The following ST6GALNAC2 variants were observed in gnomAD, a reference collection of about 807,000 sequenced individuals.
The protein encoded by ST6GALNAC2 is ST6 N-acetylgalactosaminide alpha-2,6-sialyltransferase 2, also known as alpha-N-acetylgalactosaminide alpha-2,6-sialyltransferase 2.
Under a neutral mutation model 38.7 loss-of-function variants are expected in ST6GALNAC2, and 42 were observed. That is an observed-to-expected ratio of 1.09 (90% CI 0.85 to 1.40). The LOEUF (loss-of-function observed/expected upper bound fraction) is 1.40. Among genes scored for constraint, ST6GALNAC2 ranks in the 40% most tolerant of loss-of-function variants. ST6GALNAC2 has a pLI of 0.00. For missense variants in ST6GALNAC2, 506 were observed against 481.7 expected (o/e 1.05, Z -0.47); for synonymous variants, 233 against 209.0 (o/e 1.11, Z -0.99).
At position 76,578,793 on chromosome 17, in the gene ST6GALNAC2, A is replaced by T; in HGVS notation, c.149T>A (p.Phe50Tyr). ...GARDTTSFEA[F>Y]FQSKASNSWT... ...AGAATTCGATGCCTTGGATTGAAAG[A>T]ATGCTTCAAATGATGTGGTGTCCCT... is the stretch of plus-strand genomic sequence containing the variant. Residue 50 changes from phenylalanine (F) to tyrosine (Y), a missense_variant, in exon 2 of 9, where the codon TTC (phenylalanine) becomes TAC (tyrosine). Physicochemically the swap from Phe to Tyr is conservative, Grantham distance 22 (BLOSUM62 3). Coordinates refer to ENST00000225276, the MANE Select transcript of ST6GALNAC2 (RefSeq NM_006456.3). The T allele has an allele frequency of 2.5e-6, 4 of 1,613,718 alleles. No individual in the cohort carries two copies. The highest frequency in any genetic ancestry group is 3.4e-6 in the Non-Finnish European group (4 of 1,179,858).
chr17:76,570,593 C>T lies in ST6GALNAC2; in HGVS notation c.745G>A (p.Val249Ile). ...TCCCCTTTATCTAGGCCCTCAGGGACAGGCACGCCCAGAATGGCCGATCTC... is the reference window on the plus strand; with the variant it reads ...TCCCCTTTATCTAGGCCCTCAGGGATAGGCACGCCCAGAATGGCCGATCTC... ...MLRSAILGVP[V>I]PEGLDKGDRP... is the part of the protein sequence containing the mutation. The change falls in exon 6 of 9, where the codon GTC (valine) becomes ATC (isoleucine). Residue 249 changes from valine to isoleucine, a missense_variant. Val to Ile is a conservative substitution (Grantham distance 29, BLOSUM62 3). Coordinates refer to ENST00000225276, the MANE Select transcript of ST6GALNAC2 (RefSeq NM_006456.3). 1 of 1,612,972 alleles carries T rather than the reference C, an allele frequency of 6.2e-7. No homozygotes were observed.
intron 5 of ST6GALNAC2, among the ~76,000 whole-genome samples, chr17:76,572,299 C>A (rs2143298495): frequency 6.6e-6 from 1 of 152,294 alleles, no homozygotes; most frequent in African/African-American, 2.4e-5. Context: ...GACCCTACCG[C>A]TGACTCACTG....
intron 5 of ST6GALNAC2, 55 bp downstream of exon 5, chr17:76,572,582 C>T (rs2075364150): frequency 1.9e-6 from 3 of 1,606,938 alleles, no homozygotes; most frequent in East Asian, 4.5e-5. Flanking sequence ...TGAGGGGACT[C>T]CAGGAACAAT....
intron 7 of ST6GALNAC2, 28 bp downstream of exon 7, chr17:76,568,685 G>A (rs1598243783): frequency 3.1e-6 from 5 of 1,610,178 alleles, no homozygotes; most frequent in African/African-American, 2.7e-5. Context: ...GGAAGGGGAC[G>A]CTGTTCTTCA....
Position 76,579,713 on chromosome 17 carries a change from G to A in ST6GALNAC2, c.126-897C>T, listed in dbSNP as rs2075454951. On this transcript the variant is annotated intron_variant, in intron 1 of 8. Coordinates refer to ENST00000225276, the MANE Select transcript of ST6GALNAC2 (RefSeq NM_006456.3). ...GCAAGAGTGGGTTAGTTATTGTGGA[G>A]TGGGTTCCTGATACAAGGATGAATC... Among the ~76,000 whole-genome samples, 3 of 152,222 alleles carry A rather than the reference G, an allele frequency of 2.0e-5. No homozygotes were observed. The South Asian group carries it at 6.2e-4, about 31-fold the overall frequency.
rs1294648540 is a variant in ST6GALNAC2, at chr17:76,573,176, C to G, written c.530+19G>C. The G allele has an allele frequency of 6.2e-7, 1 of 1,600,776 alleles. No homozygotes were observed. ...GGCAACTCTCCCTCCCGCCCCTCCCCAGCTCCTACCCCTCATACCTGAATA... is the reference window on the plus strand; with the variant it reads ...GGCAACTCTCCCTCCCGCCCCTCCCGAGCTCCTACCCCTCATACCTGAATA... On this transcript the variant is annotated intron_variant, in intron 4 of 8. Transcript: ENST00000225276. The surrounding 1 kb of genome is among the most constrained non-coding windows in gnomAD (Gnocchi z 5.1).
chr17:76,568,606 T>TTATC, intron 7 of ST6GALNAC2, 107 bp downstream of exon 7: 1 of 1,045,784 alleles, frequency 9.6e-7, no homozygotes, highest in South Asian at 1.3e-5. Flanking sequence ...GGAGCTCTGG[T>TTATC]TATCGGTCAG....
chr17:76,568,628 C>T (rs929079967), intron 7 of ST6GALNAC2, 85 bp downstream of exon 7: 23 of 1,332,948 alleles, frequency 1.7e-5, no homozygotes, highest in Middle Eastern at 1.9e-4. Context: ...GCGTGGGGCT[C>T]GTGCGAGGGC....
rs1047470215 is a variant in ST6GALNAC2, at chr17:76,573,470, A to T, written c.362-107T>A. 20 of 1,115,052 alleles carry T rather than the reference A, an allele frequency of 1.8e-5. No homozygotes were observed. Among genetic ancestry groups the T allele is most frequent in the Non-Finnish European group, 2.4e-5 (20 of 826,474 alleles). 69.1% of individuals were successfully genotyped at this position (1,115,052 alleles called of 1,614,324 possible). On this transcript the variant is annotated intron_variant, in intron 3 of 8. Transcript: ENST00000225276. This position sits in a 1 kb window ranked among gnomAD's most constrained non-coding sequence, Gnocchi z 5.1. ...CCCATCTCCCCTGAGGCCTGACCCT[A>T]GCCCCTCCCAAGAAGCACAGAGGGT...
At chr17:76,567,670 G>T (rs2143287801) in intron 7 of ST6GALNAC2, 118 bp from the exon 8 acceptor site, 1 of 644,570 alleles carries the variant, frequency 1.6e-6, no homozygotes, top group Non-Finnish European at 2.8e-6. Context: ...ACTCCAGTCA[G>T]TTCTTTATTC....
rs760572798 is a variant in ST6GALNAC2 at position 76,578,762 on chromosome 17, T to C, written c.180A>G (p.Thr60=). The C allele has an allele frequency of 6.8e-6, 11 of 1,613,438 alleles. No individual in the cohort carries two copies. Among genetic ancestry groups the C allele is most frequent in the Admixed American group, 6.7e-5 (4 of 59,886 alleles). The stretch of plus-strand genomic sequence containing the variant: ...GGGTAGTCGACCACTCTACCTTTCC[T>C]GTCCAAGAATTCGATGCCTTGGATT... ...FFQSKASNSW[T]GKGQACRHLL... is the part of the protein sequence containing the mutation. The change falls in exon 2 of 9, where the codon ACA becomes ACG. Residue 60 remains threonine (T), a synonymous_variant. Coordinates refer to ENST00000225276, the MANE Select transcript of ST6GALNAC2 (RefSeq NM_006456.3).
In ST6GALNAC2 at chr17:76,572,776, C is replaced by T; in HGVS notation, c.531-1G>A. 1.9e-6 allele frequency: 3 copies of T among 1,614,092 alleles called. No individual in the cohort carries two copies. Among genetic ancestry groups the T allele is most frequent in the Non-Finnish European group, 2.5e-6 (3 of 1,180,006 alleles). On this transcript the variant is annotated splice_acceptor_variant, in intron 4 of 8. Transcript: ENST00000225276. LOFTEE classifies it high-confidence loss of function. ...GCCTTTGATCACAGCTCCATTGAGT[C>T]TGGTTGGCACAGAGGCCCATCAGTG...
Position 76,574,458 on chromosome 17 carries a change from C to T in ST6GALNAC2, c.268G>A (p.Val90Met). ...FRGLFNLSIP[V>M]LLWGDLFTPA... ...GTGAAGAGGTCCCCCCACAGCAGCACTGGAATGGAGAGATTGAACAGGCCA... is the reference window on the plus strand; with the variant it reads ...GTGAAGAGGTCCCCCCACAGCAGCATTGGAATGGAGAGATTGAACAGGCCA... Residue 90 changes from valine (V) to methionine (M), a missense_variant, in exon 3 of 9, where the codon GTG (valine) becomes ATG (methionine). By Grantham distance (21) the Val-to-Met change is conservative. Transcript: ENST00000225276. The T allele has an allele frequency of 6.2e-7, 1 of 1,613,892 alleles. No individual in the cohort carries two copies. The highest frequency in any genetic ancestry group is 1.7e-5 in the Admixed American group (1 of 60,010).
At chr17:76,574,278 A>T in intron 3 of ST6GALNAC2, 87 bp downstream of exon 3, 2 of 1,477,580 alleles carry the variant, frequency 1.4e-6, no homozygotes, top group East Asian at 4.6e-5. Flanking sequence ...CACCAGTGCT[A>T]TGAGGGCAGA....
intron 5 of ST6GALNAC2, among the ~76,000 whole-genome samples, chr17:76,571,953 C>T (rs1567928931): frequency 6.6e-6 from 1 of 152,172 alleles, no homozygotes; most frequent in Non-Finnish European, 1.5e-5. Flanking sequence ...CCTCAATTTC[C>T]CACACAGGGC....
intron 7 of ST6GALNAC2, chr17:76,567,969 G>C (rs576374545): frequency 1.1e-5 from 2 of 189,238 alleles, no homozygotes; most frequent in Admixed American, 5.5e-5. Context: ...GTGTGACCAC[G>C]GGCTCTGCCC....
intron 6 of ST6GALNAC2, chr17:76,570,273 A>C: frequency 2.5e-6 from 1 of 400,780 alleles, no homozygotes. Flanking sequence ...CCGAGAAGCC[A>C]GACCTGCTCA....
At chr17:76,583,439 G>A (rs967387510) in intron 1 of ST6GALNAC2, among the ~76,000 whole-genome samples, 1 of 150,700 alleles carries the variant, frequency 6.6e-6, no homozygotes, top group Non-Finnish European at 1.5e-5. Flanking sequence ...TTTAGCTCAG[G>A]AGGTGGAGGT....
chr17:76,569,421 GCGGGGCACGTGTTGGACCT>G, intron 6 of ST6GALNAC2: 1 of 385,022 alleles, frequency 2.6e-6, no homozygotes, highest in Non-Finnish European at 4.5e-6. Context: ...GGGCAGCCCC[GCGGGGCACGTGTTGGACCT>G]GAGGACTGGG....
Sources: gnomAD v4.1 joint callset for allele counts (sites outside exome capture counted in the v4.1 genomes callset) on GRCh38, gnomAD v4.1.1 for gene constraint, Gnocchi (gnomAD v3.1) non-coding constraint, MANE v1.5 for transcripts, NCBI Gene and HGNC (gene_info 2026-07-23, HGNC 2026-07-21) for gene names.